The following RIC1 variants were observed in gnomAD, a reference collection of about 807,000 sequenced individuals.
RIC1 encodes guanine nucleotide exchange factor subunit RIC1.
Under a neutral mutation model 169.0 loss-of-function variants are expected in RIC1, and 88 were observed. That is an observed-to-expected ratio of 0.52 (90% CI 0.44 to 0.62). The LOEUF is 0.62. Among genes scored for constraint, RIC1 ranks in the 20% least tolerant of loss-of-function variants. The pLI, the probability that RIC1 is intolerant of heterozygous loss-of-function variation, is 0.00. For missense variants in RIC1, 1,877 were observed against 1,725.5 expected (o/e 1.09, Z -1.56); for synonymous variants, 790 against 601.5 (o/e 1.31, Z -4.59).
chr9:5,656,726 T>G (rs747662665), intron 2 of RIC1, 36 bp downstream of exon 2: 3 of 1,191,188 alleles, frequency 2.5e-6, no homozygotes, highest in Non-Finnish European at 3.7e-6. Context: ...TGTTTTCTTA[T>G]GAAATCATTA....
chr9:5,700,245 A>C (rs998840394), intron 3 of RIC1, among the ~76,000 whole-genome samples: 2 of 152,192 alleles, frequency 1.3e-5, no homozygotes, highest in Non-Finnish European at 2.9e-5. Context: ...TGTTAGCCCC[A>C]GTTAATCTCA....
chr9:5,661,732 C>G (rs1270390689), intron 2 of RIC1, among the ~76,000 whole-genome samples: 1 of 152,160 alleles, frequency 6.6e-6, no homozygotes. Context: ...AGCTTTTGGG[C>G]TGAGGCAATG....
chr9:5,701,888 C>G (rs143393730), intron 3 of RIC1, among the ~76,000 whole-genome samples: 1 of 152,250 alleles, frequency 6.6e-6, no homozygotes, highest in African/African-American at 2.4e-5. Context: ...TTAATACACT[C>G]AAAATGTCAA....
In RIC1 at chr9:5,742,888, A is replaced by G. The variant is rs75782093; in HGVS notation, c.921A>G (p.Gly307=). ...KQYPDIWNKT[G]AVKLMRWSPD... is the part of the protein sequence containing the mutation. ...TAACAGACATTTGGAATAAAACAGGAGCTGTTAAATTGATGAGATGGTCTC... is the reference window on the plus strand; with the variant it reads ...TAACAGACATTTGGAATAAAACAGGGGCTGTTAAATTGATGAGATGGTCTC... The change falls in exon 9 of 26, where the codon GGA becomes GGG. Residue 307 remains glycine, a synonymous_variant. Coordinates refer to ENST00000414202, the MANE Select transcript of RIC1 (RefSeq NM_020829.4). 5,785 of 1,612,310 alleles carry G rather than the reference A, an allele frequency of 3.6e-3. 171 individuals are homozygous for G. In the African/African-American group the frequency reaches 0.064, roughly 18 times the overall value.
At chr9:5,746,310 C>T (rs558764389) in intron 11 of RIC1, among the ~76,000 whole-genome samples, 7 of 151,974 alleles carry the variant, frequency 4.6e-5, no homozygotes, top group African/African-American at 1.4e-4. Flanking sequence ...AGCAATTTGA[C>T]GGAAAGCAAT....
chr9:5,751,448 A>C (rs1337616004), intron 12 of RIC1, among the ~76,000 whole-genome samples: 1 of 151,678 alleles, frequency 6.6e-6, no homozygotes, highest in African/African-American at 2.4e-5. Context: ...CTCCGCCTCC[A>C]GGGTTCAGGT....
At chr9:5,654,925 A>G (rs1381314321) in intron 1 of RIC1, among the ~76,000 whole-genome samples, 1 of 152,186 alleles carries the variant, frequency 6.6e-6, no homozygotes, top group East Asian at 1.9e-4. Flanking sequence ...ACTTTTGTAT[A>G]TTAATCTTGG....
chr9:5,698,638 C>T (rs1822042732), intron 3 of RIC1, among the ~76,000 whole-genome samples: 1 of 152,044 alleles, frequency 6.6e-6, no homozygotes, highest in African/African-American at 2.4e-5. Context: ...AAAAATATGG[C>T]AGTTGGAATC....
At position 5,770,074 on chromosome 9, in the gene RIC1, A is replaced by G; in HGVS notation, c.3425-13A>G. ...TTCTTCCTCCATTTTTTGTTTTCGG[A>G]CCCACTCTGCAGTGGGAGAGCAGCT... On this transcript the variant is annotated splice_polypyrimidine_tract_variant and intron_variant, in intron 22 of 25. Transcript: ENST00000414202. 1 of 1,587,638 alleles carries G rather than the reference A, an allele frequency of 6.3e-7. No individual in the cohort carries two copies. Among genetic ancestry groups the G allele is most frequent in the Non-Finnish European group, 8.6e-7 (1 of 1,168,036 alleles).
intron 1 of RIC1, among the ~76,000 whole-genome samples, chr9:5,639,438 C>T (rs1818129855): frequency 6.6e-6 from 1 of 152,154 alleles, no homozygotes; most frequent in Non-Finnish European, 1.5e-5. Context: ...TCTAGTTTAA[C>T]TCTATTATGA....
intron 6 of RIC1, among the ~76,000 whole-genome samples, chr9:5,725,236 C>T (rs1312130244): frequency 1.3e-5 from 2 of 152,082 alleles, no homozygotes; most frequent in Non-Finnish European, 2.9e-5. Flanking sequence ...AATTTCAGAG[C>T]CTGTTATTGG....
chr9:5,668,202 G>C (rs927977874), intron 2 of RIC1, among the ~76,000 whole-genome samples: 12 of 151,810 alleles, frequency 7.9e-5, no homozygotes, highest in African/African-American at 2.9e-4. Context: ...TACCACCTCT[G>C]TGATTCAATT....
At chr9:5,667,677 T>G (rs891858774) in intron 2 of RIC1, among the ~76,000 whole-genome samples, 2 of 152,010 alleles carry the variant, frequency 1.3e-5, no homozygotes, top group African/African-American at 2.4e-5. Context: ...CTGATTTTGT[T>G]TAATTTTTGT....
chr9:5,718,704 TA>T (rs1185028713), intron 4 of RIC1, among the ~76,000 whole-genome samples: 1 of 152,236 alleles, frequency 6.6e-6, no homozygotes, highest in Non-Finnish European at 1.5e-5. Context: ...ACATAGATTT[TA>T]TCACTGAAAT....
intron 17 of RIC1, among the ~76,000 whole-genome samples, chr9:5,760,067 A>G (rs761369264): frequency 6.6e-6 from 1 of 152,236 alleles, no homozygotes; most frequent in Non-Finnish European, 1.5e-5. Context: ...AGGGAAGACA[A>G]AGAATGCTGG....
intron 21 of RIC1, 40 bp downstream of exon 21, chr9:5,765,838 A>G (rs761927089): frequency 1.2e-6 from 2 of 1,607,204 alleles, no homozygotes; most frequent in African/African-American, 1.3e-5. Flanking sequence ...TTGGGCATTC[A>G]TGACACATTG....
chr9:5,737,270 C>A (rs1041572087), intron 7 of RIC1, among the ~76,000 whole-genome samples: 5 of 152,014 alleles, frequency 3.3e-5, no homozygotes, highest in African/African-American at 4.8e-5. Flanking sequence ...TGGCTTCAGG[C>A]CCTTCAGAAA....
intron 6 of RIC1, among the ~76,000 whole-genome samples, chr9:5,725,635 T>G (rs956023032): frequency 6.6e-6 from 1 of 152,214 alleles, no homozygotes; most frequent in African/African-American, 2.4e-5. Flanking sequence ...TCTCTAGTTC[T>G]TTTAATTGTG....
chr9:5,679,275 A>T (rs1408276590), intron 2 of RIC1, among the ~76,000 whole-genome samples: 1 of 152,182 alleles, frequency 6.6e-6, no homozygotes, highest in African/African-American at 2.4e-5. Context: ...AGGTAGTGTG[A>T]TGCCTCCAGC....
Sources: allele counts gnomAD v4.1 joint callset (sites outside exome capture counted in the v4.1 genomes callset), GRCh38; gene constraint gnomAD v4.1.1; transcripts MANE v1.5; gene names NCBI Gene and HGNC (gene_info 2026-07-23, HGNC 2026-07-21).